WASL: variants seen among roughly 807,000 people sequenced by gnomAD.
WASL encodes the protein actin nucleation-promoting factor WASL.
Under a neutral mutation model 55.5 loss-of-function variants are expected in WASL, and 20 were observed. The ratio of observed to expected loss-of-function variants is 0.36; its 90% CI spans 0.25 to 0.52. The LOEUF (loss-of-function observed/expected upper bound fraction) is 0.52. Among genes scored for constraint, WASL ranks in the 20% least tolerant of loss-of-function variants. The pLI, the probability that WASL is intolerant of heterozygous loss-of-function variation, is 0.92. For synonymous variants in WASL, 249 were observed against 217.6 expected (o/e 1.14, Z -1.27); for missense variants, 504 against 622.5 (o/e 0.81, Z 2.03).
At chr7:123,686,506 A>G (rs1208832442) in intron 10 of WASL, among the ~76,000 whole-genome samples, 2 of 152,146 alleles carry the variant, frequency 1.3e-5, no homozygotes, top group African/African-American at 4.8e-5. Context: ...TAACAGTTAA[A>G]ATAAATGGGT....
At chr7:123,747,229 T>C (rs546086603) in intron 1 of WASL, among the ~76,000 whole-genome samples, 11 of 152,310 alleles carry the variant, frequency 7.2e-5, no homozygotes, top group African/African-American at 2.6e-4. Flanking sequence ...AATTGCTGTA[T>C]GACTTGGGCT....
Position 123,683,468 on chromosome 7 carries a change from A to G in WASL, c.*1051T>C, listed in dbSNP as rs1178293443. On this transcript the variant is annotated 3_prime_UTR_variant, in exon 11 of 11. Coordinates refer to ENST00000223023, the MANE Select transcript of WASL (RefSeq NM_003941.4). Reference sequence around the variant, plus strand: ...AGAAAAATGTAACTCTTCACATGCTATTTGACAAAAACCCTCAAAAGTTAT... The same window carrying G: ...AGAAAAATGTAACTCTTCACATGCTGTTTGACAAAAACCCTCAAAAGTTAT... The G allele has an allele frequency of 6.6e-6, 1 of 151,938 alleles. No homozygotes were observed. The highest frequency in any genetic ancestry group is 1.5e-5 in the Non-Finnish European group (1 of 67,928). The allele number at this position is 151,938 out of a possible 1,614,324, so 9.4% of individuals were successfully genotyped here.
chr7:123,704,776 T>C, intron 4 of WASL, 119 bp from the exon 5 acceptor site: 2 of 578,556 alleles, frequency 3.5e-6, no homozygotes, highest in East Asian at 3.7e-5. Context: ...CTAAGGAAGA[T>C]TTTTCAGAAG....
At chr7:123,689,653 A>T (rs963884677) in intron 9 of WASL, among the ~76,000 whole-genome samples, 1 of 152,174 alleles carries the variant, frequency 6.6e-6, no homozygotes, top group Non-Finnish European at 1.5e-5. Context: ...TTCAAAATGA[A>T]CCTCTTTTCT....
chr7:123,706,913 C>T, intron 2 of WASL, 87 bp from the exon 3 acceptor site: 1 of 707,332 alleles, frequency 1.4e-6, no homozygotes, highest in African/African-American at 1.9e-5. Context: ...ATTAAGAAAA[C>T]TGTTTATATT....
intron 3 of WASL, 71 bp downstream of exon 3, chr7:123,706,669 T>G: frequency 8.8e-7 from 1 of 1,138,606 alleles, no homozygotes; most frequent in Non-Finnish European, 1.3e-6. Context: ...TAAGGTTCTA[T>G]AAATAATTTG....
intron 1 of WASL, among the ~76,000 whole-genome samples, chr7:123,709,664 CT>C (rs956615594): frequency 1.2e-4 from 18 of 152,160 alleles, no homozygotes; most frequent in African/African-American, 3.9e-4. Context: ...CTTACTCCCC[CT>C]ATTACACTGT....
At chr7:123,694,041 G>A (rs1217578952) in intron 8 of WASL, among the ~76,000 whole-genome samples, 1 of 152,212 alleles carries the variant, frequency 6.6e-6, no homozygotes, top group Non-Finnish European at 1.5e-5. Context: ...TCAGAAGAAT[G>A]TTTTAACCGG....
chr7:123,704,821 G>C (rs1328070240), intron 4 of WASL, among the ~76,000 whole-genome samples, 164 bp from the exon 5 acceptor site: 2 of 152,032 alleles, frequency 1.3e-5, no homozygotes, highest in African/African-American at 2.4e-5. Context: ...AATAAAATAA[G>C]TAAGGGAACA....
chr7:123,699,912 C>T (rs1803551264), intron 5 of WASL, among the ~76,000 whole-genome samples: 2 of 152,096 alleles, frequency 1.3e-5, no homozygotes, highest in Admixed American at 1.3e-4. Flanking sequence ...CGCGGTGGCT[C>T]ACGCCTGTAA....
chr7:123,694,390 A>G (rs1223067325), intron 8 of WASL, among the ~76,000 whole-genome samples: 4 of 152,194 alleles, frequency 2.6e-5, no homozygotes, highest in Non-Finnish European at 4.4e-5. Flanking sequence ...TTAAATTATT[A>G]CTTCTGAATT....
chr7:123,733,690 G>C (rs1349972420), intron 1 of WASL, among the ~76,000 whole-genome samples: 2 of 152,106 alleles, frequency 1.3e-5, no homozygotes, highest in Non-Finnish European at 2.9e-5. Flanking sequence ...AGTAACATCA[G>C]AGGACTGACA....
rs1360025226 is a variant in WASL at position 123,683,963 on chromosome 7, G to A, written c.*556C>T. On this transcript the variant is annotated 3_prime_UTR_variant, in exon 11 of 11. Transcript: ENST00000223023. Reference sequence around the variant, plus strand: ...ACTAGTATCTCTGTAGTGATTTTATGTAGAGCATATTGCTAAAATTTGAGA... The same window carrying A: ...ACTAGTATCTCTGTAGTGATTTTATATAGAGCATATTGCTAAAATTTGAGA... 6.6e-6 allele frequency: 1 copy of A among 151,956 alleles called. No homozygotes were observed. Among genetic ancestry groups the A allele is most frequent in the Admixed American group, 6.6e-5 (1 of 15,226 alleles). 9.4% of individuals were successfully genotyped at this position (151,956 alleles called of 1,614,324 possible).
chr7:123,739,902 GTGTGTGTGTGTGTATA>G (rs776520239), intron 1 of WASL, among the ~76,000 whole-genome samples: 362 of 88,566 alleles, frequency 4.1e-3, no homozygotes, highest in South Asian at 0.017. Context: ...GTGTGTGTGT[GTGTGTGTGTGTGTATA>G]TATATATATA....
intron 1 of WASL, among the ~76,000 whole-genome samples, chr7:123,744,381 T>G (rs1804395498): frequency 2.0e-5 from 3 of 152,134 alleles, no homozygotes. Context: ...AATCAATCAA[T>G]AAGTATTCAC....
intron 10 of WASL, among the ~76,000 whole-genome samples, chr7:123,688,841 A>G (rs1366347002): frequency 6.6e-6 from 1 of 152,182 alleles, no homozygotes; most frequent in African/African-American, 2.4e-5. Flanking sequence ...TGCATTTGTT[A>G]AGTCTCAGAG....
At chr7:123,715,331 C>T (rs1584865679) in intron 1 of WASL, among the ~76,000 whole-genome samples, 1 of 152,134 alleles carries the variant, frequency 6.6e-6, no homozygotes, top group African/African-American at 2.4e-5. Context: ...GAGAGCAAGG[C>T]CCTAGTCCAT....
At chr7:123,720,452 T>C (rs1803925382) in intron 1 of WASL, 1 of 403,512 alleles carries the variant, frequency 2.5e-6, no homozygotes, top group Admixed American at 3.3e-5. Flanking sequence ...TATACTAACG[T>C]CTGTACACAA....
intron 1 of WASL, among the ~76,000 whole-genome samples, chr7:123,712,932 T>C (rs1386003706): frequency 2.0e-5 from 3 of 152,132 alleles, no homozygotes; most frequent in Admixed American, 2.0e-4. Context: ...AATAAGAATT[T>C]TAGATCAGGA....
Sources: gnomAD v4.1 joint callset for allele counts (sites outside exome capture counted in the v4.1 genomes callset) on GRCh38, gnomAD v4.1.1 for gene constraint, MANE v1.5 for transcripts, NCBI Gene and HGNC (gene_info 2026-07-23, HGNC 2026-07-21) for gene names.